TOM1: variants seen among roughly 807,000 people sequenced by gnomAD.
The protein encoded by TOM1 is target of myb1 membrane trafficking protein.
A neutral mutation model predicts 61.3 loss-of-function variants in TOM1; 38 were observed. The ratio of observed to expected loss-of-function variants is 0.62; its 90% CI spans 0.48 to 0.81. TOM1 has a LOEUF of 0.81. Among genes scored for constraint, TOM1 ranks in the 40% least tolerant of loss-of-function variants. The pLI is 0.00. For synonymous variants in TOM1, 270 were observed against 268.8 expected (o/e 1.00, Z -0.04); for missense variants, 591 against 659.6 (o/e 0.90, Z 1.14).
Position 35,323,723 on chromosome 22 carries a change from T to G in TOM1, c.502-45T>G. 6.2e-7 allele frequency: 1 copy of G among 1,604,376 alleles called. No individual in the cohort carries two copies. Among genetic ancestry groups the G allele is most frequent in the South Asian group, 1.1e-5 (1 of 90,196 alleles). On this transcript the variant is annotated intron_variant, in intron 5 of 14. Transcript: ENST00000449058. The surrounding 1 kb of genome is among the most constrained non-coding windows in gnomAD (Gnocchi z 4.2). ...GCTGGCCCCTGACTTCCTGGGCTCTTGATGTTCCCAGGAGCCCTCACTGAT... is the reference window on the plus strand; with the variant it reads ...GCTGGCCCCTGACTTCCTGGGCTCTGGATGTTCCCAGGAGCCCTCACTGAT...
At chr22:35,345,617 G>A in intron 12 of TOM1, 108 bp from the exon 13 acceptor site, 3 of 1,118,462 alleles carry the variant, frequency 2.7e-6, no homozygotes, top group Non-Finnish European at 4.0e-6. Flanking sequence ...AGGCAGCTGA[G>A]GCTGGGGTGG....
At chr22:35,303,679 G>A (rs981816182) in intron 1 of TOM1, among the ~76,000 whole-genome samples, 4 of 152,004 alleles carry the variant, frequency 2.6e-5, no homozygotes, top group African/African-American at 9.7e-5. Context: ...TGTATTTTTA[G>A]TAGAGATGGG....
At chr22:35,342,943 A>G (rs547986917) in intron 12 of TOM1, among the ~76,000 whole-genome samples, 3 of 111,310 alleles carry the variant, frequency 2.7e-5, no homozygotes, top group East Asian at 2.9e-4. Context: ...CCACTCATAC[A>G]CCTACACACA....
intron 2 of TOM1, 88 bp from the exon 3 acceptor site, chr22:35,321,871 A>G: frequency 8.9e-7 from 1 of 1,125,312 alleles, no homozygotes; most frequent in East Asian, 2.3e-5. Flanking sequence ...AGGATGGGCC[A>G]ATAAGAACTG....
chr22:35,302,954 C>G (rs1267496272), intron 1 of TOM1, among the ~76,000 whole-genome samples: 1 of 152,134 alleles, frequency 6.6e-6, no homozygotes, highest in Non-Finnish European at 1.5e-5. Context: ...AAACCAGGCC[C>G]CTCCTTGCTG....
chr22:35,338,079 C>G (rs1423205708), intron 11 of TOM1, among the ~76,000 whole-genome samples: 4 of 152,238 alleles, frequency 2.6e-5, no homozygotes, highest in African/African-American at 9.6e-5. Context: ...GTGGGGTCAG[C>G]CTCTGCCGCT....
chr22:35,335,254 C>T (rs962770408), intron 11 of TOM1, among the ~76,000 whole-genome samples: 3 of 152,182 alleles, frequency 2.0e-5, no homozygotes, highest in Non-Finnish European at 4.4e-5. Flanking sequence ...ATGGGATCTT[C>T]CCACTGACCC....
intron 11 of TOM1, among the ~76,000 whole-genome samples, chr22:35,337,390 G>C (rs1196172376): frequency 6.6e-6 from 1 of 152,106 alleles, no homozygotes; most frequent in African/African-American, 2.4e-5. Flanking sequence ...TCAGAAGTCA[G>C]CAACCTGACG....
chr22:35,313,283 G>A (rs1353032849), intron 1 of TOM1, among the ~76,000 whole-genome samples: 2 of 151,874 alleles, frequency 1.3e-5, no homozygotes, highest in African/African-American at 2.4e-5. Context: ...GGAGGCAGAG[G>A]TTGCAGTGAG....
rs60248459 is a variant in TOM1, at chr22:35,318,011, C to T, written c.137+50C>T. 1,740 of 1,463,674 alleles carry T rather than the reference C, an allele frequency of 1.2e-3. 19 individuals are homozygous for T. In the African/African-American group the frequency reaches 0.014, roughly 12 times the overall value. 90.7% of individuals were successfully genotyped at this position (1,463,674 alleles called of 1,614,324 possible). On this transcript the variant is annotated intron_variant, in intron 2 of 14. Coordinates refer to ENST00000449058, the MANE Select transcript of TOM1 (RefSeq NM_005488.3). ...GGGGGCAGAGACGGCCATCCCACCA[C>T]GCAGCACACTCCTGCACCCTTCCAG...
intron 1 of TOM1, among the ~76,000 whole-genome samples, chr22:35,304,450 G>T (rs1040733399): frequency 2.6e-5 from 4 of 152,306 alleles, no homozygotes; most frequent in African/African-American, 9.6e-5. Flanking sequence ...ATTCTCTGCA[G>T]ACAAATCTTA....
In TOM1 at chr22:35,323,972, G is replaced by T; in HGVS notation, c.648+58G>T. ...CAGGCAGGTGGGCCACACACGTCAG[G>T]GAGGGCCCCCTGTCAGAATTTACCA... On this transcript the variant is annotated intron_variant, in intron 6 of 14. Transcript: ENST00000449058. The surrounding 1 kb of genome is among the most constrained non-coding windows in gnomAD (Gnocchi z 4.2). 1 of 1,502,982 alleles carries T rather than the reference G, an allele frequency of 6.7e-7. No individual in the cohort carries two copies. Among genetic ancestry groups the T allele is most frequent in the South Asian group, 1.4e-5 (1 of 73,402 alleles). The allele number at this position is 1,502,982 out of a possible 1,614,324, so 93.1% of individuals were successfully genotyped here.
chr22:35,306,386 TTC>T (rs1246027492), intron 1 of TOM1, among the ~76,000 whole-genome samples: 1 of 152,208 alleles, frequency 6.6e-6, no homozygotes, highest in Non-Finnish European at 1.5e-5. Flanking sequence ...ATCTTGAAGC[TTC>T]TGTTTCCTGA....
chr22:35,299,602 T>TC (rs1265602550), upstream of TOM1: 1 of 355,368 alleles, frequency 2.8e-6, no homozygotes, highest in Non-Finnish European at 5.2e-6. Flanking sequence ...CGACCCAGTT[T>TC]CCCAAATGTG....
chr22:35,327,227 C>T (rs1365259637), intron 6 of TOM1, 44 bp from the exon 7 acceptor site: 1 of 1,582,202 alleles, frequency 6.3e-7, no homozygotes. Context: ...AACATGGGCC[C>T]CAGAACCCTG....
At chr22:35,340,796 CA>C (rs1236731963) in intron 12 of TOM1, among the ~76,000 whole-genome samples, 4 of 152,188 alleles carry the variant, frequency 2.6e-5, no homozygotes, top group African/African-American at 9.7e-5. Context: ...CCGTCCAGGC[CA>C]GTCCACTGTG....
chr22:35,344,917 G>A (rs1256995959), intron 12 of TOM1: 1 of 152,310 alleles, frequency 6.6e-6, no homozygotes, highest in Admixed American at 6.5e-5. Flanking sequence ...AGGGAAATCA[G>A]GCGCAGAGAA....
intron 1 of TOM1, among the ~76,000 whole-genome samples, chr22:35,301,782 C>CGGCA: frequency 7.0e-6 from 1 of 142,400 alleles, no homozygotes. Flanking sequence ...GGGAGAGGAA[C>CGGCA]TGCCCTCTCA....
At chr22:35,319,521 G>A (rs980333285) in intron 2 of TOM1, among the ~76,000 whole-genome samples, 2 of 152,198 alleles carry the variant, frequency 1.3e-5, no homozygotes, top group Non-Finnish European at 2.9e-5. Context: ...CAGAACTTCC[G>A]ATTCCCAGTG....
Sources: gnomAD v4.1 joint callset for allele counts (sites outside exome capture counted in the v4.1 genomes callset) on GRCh38, gnomAD v4.1.1 for gene constraint, Gnocchi (gnomAD v3.1) non-coding constraint, MANE v1.5 for transcripts, NCBI Gene and HGNC (gene_info 2026-07-23, HGNC 2026-07-21) for gene names.